The following TRABD2A variants were observed in gnomAD, a reference collection of about 807,000 sequenced individuals.
TRABD2A encodes metalloprotease TIKI1.
A neutral mutation model predicts 45.6 loss-of-function variants in TRABD2A; 43 were observed. The observed-to-expected ratio is 0.94, with a 90% confidence interval of 0.74 to 1.22. TRABD2A has a LOEUF of 1.22. Ranked by LOEUF, TRABD2A falls within the 50% of genes most tolerant of loss-of-function variation. The pLI, the probability that TRABD2A is intolerant of heterozygous loss-of-function variation, is 0.00. For missense variants in TRABD2A, 642 were observed against 652.4 expected (o/e 0.98, Z 0.17); for synonymous variants, 269 against 265.0 (o/e 1.02, Z -0.15).
At chr2:84,826,713 T>C (rs568470151) in intron 5 of TRABD2A, among the ~76,000 whole-genome samples, 32 of 152,320 alleles carry the variant, frequency 2.1e-4, no homozygotes, top group African/African-American at 6.5e-4. Flanking sequence ...TTTGTATTTT[T>C]AGTAGAGACG....
Position 84,870,219 on chromosome 2 carries a change from T to C in TRABD2A, c.669+6A>G. ...CACTAAGTCTTTTATGCAAAGAGAG[T>C]CTTACCTGTGAAAAGTTCAACCCAT... On this transcript the variant is annotated splice_donor_region_variant and intron_variant, in intron 2 of 6. Coordinates refer to ENST00000409520, the MANE Select transcript of TRABD2A (RefSeq NM_001277053.2). The C allele has an allele frequency of 6.2e-7, 1 of 1,600,464 alleles. No homozygotes were observed. The highest frequency in any genetic ancestry group is 8.5e-7 in the Non-Finnish European group (1 of 1,171,320).
At chr2:84,871,679 G>C (rs1334872052) in intron 1 of TRABD2A, among the ~76,000 whole-genome samples, 1 of 152,022 alleles carries the variant, frequency 6.6e-6, no homozygotes, top group East Asian at 1.9e-4. Context: ...TAGAGACGGG[G>C]TTTCACCATA....
chr2:84,822,911 C>T (rs1399954915), intron 6 of TRABD2A, among the ~76,000 whole-genome samples: 1 of 152,210 alleles, frequency 6.6e-6, no homozygotes, highest in African/African-American at 2.4e-5. Context: ...TTCCCAGGCT[C>T]CAGCCAGAAT....
chr2:84,879,485 T>G, intron 1 of TRABD2A: 1 of 576,158 alleles, frequency 1.7e-6, no homozygotes, highest in Non-Finnish European at 2.2e-6. Context: ...CGGGCTTCTT[T>G]GATAATTTTT....
At chr2:84,829,377 C>T (rs1163985948) in intron 5 of TRABD2A, among the ~76,000 whole-genome samples, 1 of 149,090 alleles carries the variant, frequency 6.7e-6, no homozygotes, top group Non-Finnish European at 1.5e-5. Flanking sequence ...CACACACACA[C>T]ACACACACAC....
chr2:84,846,674 C>T (rs760725831), intron 2 of TRABD2A, among the ~76,000 whole-genome samples: 3 of 152,200 alleles, frequency 2.0e-5, no homozygotes, highest in Non-Finnish European at 4.4e-5. Context: ...GGCAGCCCAC[C>T]CCAAATCCCT....
intron 2 of TRABD2A, among the ~76,000 whole-genome samples, chr2:84,862,738 T>A (rs916554227): frequency 6.6e-6 from 1 of 151,824 alleles, no homozygotes; most frequent in Non-Finnish European, 1.5e-5. Flanking sequence ...CTATGCTGAG[T>A]GCTTAAGAAA....
rs76277344 is a variant in TRABD2A at position 84,822,030 on chromosome 2, G to A, written c.1405C>T (p.Arg469Cys). The change falls in exon 7 of 7, where the codon CGT becomes TGT. Residue 469 changes from arginine (R) to cysteine (C), a missense_variant. Coordinates refer to ENST00000409520, the MANE Select transcript of TRABD2A (RefSeq NM_001277053.2). ...HISTELRLPR[R>C]GHSHHSQMVA... ...ATCTGGCTGTGGTGGGAATGCCCAC[G>A]GCGAGGGAGCCGCAGTTCAGTGGAG... The A allele has an allele frequency of 3.6e-5, 58 of 1,593,468 alleles. No individual in the cohort carries two copies. Among genetic ancestry groups the A allele is most frequent in the East Asian group, 4.5e-5 (2 of 43,986 alleles).
At chr2:84,860,781 G>A (rs1017222887) in intron 2 of TRABD2A, among the ~76,000 whole-genome samples, 4 of 152,140 alleles carry the variant, frequency 2.6e-5, no homozygotes, top group African/African-American at 4.8e-5. Context: ...AGGCAATGGC[G>A]CCTGCTTTCT....
chr2:84,852,622 G>A (rs766462433), intron 2 of TRABD2A, among the ~76,000 whole-genome samples: 4 of 152,118 alleles, frequency 2.6e-5, no homozygotes, highest in East Asian at 1.9e-4. Context: ...GCTTGTACCT[G>A]GAGGTGCTTC....
chr2:84,867,059 C>T (rs544398706), intron 2 of TRABD2A, among the ~76,000 whole-genome samples: 1 of 151,554 alleles, frequency 6.6e-6, no homozygotes, highest in East Asian at 1.9e-4. Context: ...CAGAGTGAGA[C>T]TCTGTCTCAA....
At chr2:84,863,345 C>T (rs996531829) in intron 2 of TRABD2A, among the ~76,000 whole-genome samples, 6 of 146,244 alleles carry the variant, frequency 4.1e-5, no homozygotes, top group Non-Finnish European at 9.0e-5. Flanking sequence ...CCTGGGTTCA[C>T]ACCATTCTCC....
rs1480905437 is a variant in TRABD2A, at chr2:84,870,700, C to T, written c.194G>A (p.Arg65Gln). 1.0e-5 allele frequency: 16 copies of T among 1,604,068 alleles called. No individual in the cohort carries two copies. Among genetic ancestry groups the T allele is most frequent in the Middle Eastern group, 1.7e-4 (1 of 6,050 alleles). ...GTTGTCGGGGATGAAGTCCCAAACT[C>T]GGGTGTACGGGACATGGATTGTGCC... is the stretch of plus-strand genomic sequence containing the variant. The part of the protein sequence containing the change: ...FFGTIHVPYT[R>Q]VWDFIPDNSK... The change falls in exon 2 of 7, where the codon CGA becomes CAA. Residue 65 changes from arginine to glutamine, a missense_variant. By Grantham distance (43) the Arg-to-Gln change is conservative. Coordinates refer to ENST00000409520, the MANE Select transcript of TRABD2A (RefSeq NM_001277053.2).
rs537966578 is a variant in TRABD2A at position 84,827,060 on chromosome 2, C to T, written c.1083-2856G>A. ...CAAATAGAAAATCCCAGCTGCTGAA[C>T]ACACCCAATCCATCATAGAGCCTCT... is the stretch of plus-strand genomic sequence containing the variant. On this transcript the variant is annotated intron_variant, in intron 5 of 6. Coordinates refer to ENST00000409520, the MANE Select transcript of TRABD2A (RefSeq NM_001277053.2). Among the ~76,000 whole-genome samples, 4 of 152,294 alleles carry T rather than the reference C, an allele frequency of 2.6e-5. No individual in the cohort carries two copies. In the South Asian group the frequency reaches 8.3e-4, roughly 32 times the overall value.
At position 84,881,053 on chromosome 2, in the gene TRABD2A, G is replaced by A. The variant is rs1343668157; in HGVS notation, c.-14C>T. On this transcript the variant is annotated 5_prime_UTR_variant, in exon 1 of 7. Coordinates refer to ENST00000409520, the MANE Select transcript of TRABD2A (RefSeq NM_001277053.2). The stretch of plus-strand genomic sequence containing the variant: ...CCAGGGACTCATCCTCCTCAAGGCG[G>A]CTCCGAGGCCCGGAACGCGGAGGGA... 5 of 1,584,668 alleles carry A rather than the reference G, an allele frequency of 3.2e-6. No individual in the cohort carries two copies. Among genetic ancestry groups the A allele is most frequent in the African/African-American group, 1.4e-5 (1 of 74,036 alleles).
rs1199827751 is a variant in TRABD2A, at chr2:84,821,994, T to C, written c.1441A>G (p.Ser481Gly). The C allele has an allele frequency of 6.2e-7, 1 of 1,600,760 alleles. No homozygotes were observed. The highest frequency in any genetic ancestry group is 8.5e-7 in the Non-Finnish European group (1 of 1,173,960). Reference sequence around the variant, plus strand: ...GGAGTCCAGAGAGACAGGCAGGCACTGCTGGCCACCATCTGGCTGTGGTGG... The same window carrying C: ...GGAGTCCAGAGAGACAGGCAGGCACCGCTGGCCACCATCTGGCTGTGGTGG... ...HSHHSQMVASSACLSLWTPVF... is the reference protein window; with the variant it reads ...HSHHSQMVASGACLSLWTPVF... The change falls in exon 7 of 7, where the codon AGT becomes GGT. Residue 481 changes from serine to glycine, a missense_variant. Physicochemically the swap from Ser to Gly is moderately conservative, Grantham distance 56 (BLOSUM62 0). Coordinates refer to ENST00000409520, the MANE Select transcript of TRABD2A (RefSeq NM_001277053.2).
intron 2 of TRABD2A, among the ~76,000 whole-genome samples, chr2:84,866,682 C>CTTTTTTTTTTTTTTTTTTTTTTT: frequency 7.2e-6 from 1 of 139,400 alleles, no homozygotes; most frequent in Non-Finnish European, 1.6e-5. Flanking sequence ...CAATTTCCTG[C>CTTTTTTTTTTTTTTTTTTTTTTT]TTTTTTTTTT....
intron 1 of TRABD2A, among the ~76,000 whole-genome samples, chr2:84,872,846 A>G (rs1188725520): frequency 3.3e-5 from 5 of 152,048 alleles, no homozygotes; most frequent in African/African-American, 9.7e-5. Context: ...CAGGCATAGT[A>G]GCTCACGCCT....
chr2:84,838,096 T>C (rs1681582389), intron 4 of TRABD2A: 1 of 634,476 alleles, frequency 1.6e-6, no homozygotes. Context: ...CAGGGAACTA[T>C]TGGACATGTC....
Sources: allele counts gnomAD v4.1 joint callset (sites outside exome capture counted in the v4.1 genomes callset), GRCh38; gene constraint gnomAD v4.1.1; transcripts MANE v1.5; gene names NCBI Gene and HGNC (gene_info 2026-07-23, HGNC 2026-07-21).